The following CCDC146 variants were observed in gnomAD, a reference collection of about 807,000 sequenced individuals.
CCDC146 encodes coiled-coil domain containing 146.
Under a neutral mutation model 119.3 loss-of-function variants are expected in CCDC146, and 92 were observed. The ratio of observed to expected loss-of-function variants is 0.77; its 90% CI spans 0.65 to 0.92. CCDC146 has a LOEUF of 0.92. Among genes scored for constraint, CCDC146 ranks in the 40% least tolerant of loss-of-function variants. The probability of loss-of-function intolerance (pLI) is 0.00; values close to 1 mark genes in which losing one functional copy is unlikely to be tolerated. For missense variants in CCDC146, 1,000 were observed against 1,103.0 expected, an observed-to-expected ratio of 0.91 and a Z score of 1.32; for synonymous variants, 372 against 371.8, an observed-to-expected ratio of 1.00 and a Z score of -0.01.
intron 1 of CCDC146, among the ~76,000 whole-genome samples, chr7:77,142,419 A>C (rs1195456512): frequency 6.7e-6 from 1 of 149,332 alleles, no homozygotes; most frequent in East Asian, 2.6e-4. Flanking sequence ...CCATGTGTAC[A>C]TGTATACATG....
At chr7:77,272,811 G>A (rs1006827273) in intron 9 of CCDC146, among the ~76,000 whole-genome samples, 5 of 152,070 alleles carry the variant, frequency 3.3e-5, no homozygotes, top group African/African-American at 1.2e-4. Flanking sequence ...CCTAAAGTAC[G>A]TCAACACAGG....
chr7:77,160,061 C>T (rs1791235424), intron 1 of CCDC146, among the ~76,000 whole-genome samples: 1 of 152,152 alleles, frequency 6.6e-6, no homozygotes, highest in African/African-American at 2.4e-5. Flanking sequence ...TCAGGTTTGT[C>T]AAAGATCAGA....
intron 6 of CCDC146, among the ~76,000 whole-genome samples, chr7:77,258,274 T>G (rs1390197683): frequency 2.0e-5 from 3 of 152,142 alleles, no homozygotes; most frequent in African/African-American, 7.2e-5. Flanking sequence ...AAGGCAGCTC[T>G]GCTCAGCCAG....
intron 2 of CCDC146, chr7:77,199,161 G>A: frequency 3.8e-6 from 6 of 1,593,948 alleles, no homozygotes; most frequent in Non-Finnish European, 5.1e-6. Context: ...CATATGATAA[G>A]AAAACATTAT....
At position 77,279,077 on chromosome 7, in the gene CCDC146, G is replaced by A; in HGVS notation, c.1670G>A (p.Arg557Lys). ...TCATTAAATGAACTTGAAATTCTGAGAAATAGTGCCGTTAGTCAAGAAAGG... is the reference window on the plus strand; with the variant it reads ...TCATTAAATGAACTTGAAATTCTGAAAAATAGTGCCGTTAGTCAAGAAAGG... Reference protein sequence around the residue: ...KMSLNELEILRNSAVSQERKL... With the variant: ...KMSLNELEILKNSAVSQERKL... Residue 557 changes from arginine (R) to lysine (K), a missense_variant, in exon 13 of 19, where the codon AGA becomes AAA. Around this residue, in one of 2 missense-constraint regions of CCDC146, gnomAD observed 985 missense variants for 1,045.3 expected, o/e 0.94. Transcript: ENST00000285871. The A allele has an allele frequency of 6.2e-7, 1 of 1,610,672 alleles. No individual in the cohort carries two copies. Among genetic ancestry groups the A allele is most frequent in the East Asian group, 2.2e-5 (1 of 44,806 alleles).
At chr7:77,136,183 G>C (rs1790858018) in intron 1 of CCDC146, among the ~76,000 whole-genome samples, 2 of 152,118 alleles carry the variant, frequency 1.3e-5, no homozygotes, top group Admixed American at 6.5e-5. Flanking sequence ...GCATATTTTA[G>C]AAAAGAAGAA....
chr7:77,204,573 C>A (rs1353047815), intron 2 of CCDC146, among the ~76,000 whole-genome samples: 2 of 152,122 alleles, frequency 1.3e-5, no homozygotes, highest in Non-Finnish European at 2.9e-5. Flanking sequence ...ATTAATGAAA[C>A]TACAGAACAT....
At chr7:77,135,760 A>T (rs1321987302) in intron 1 of CCDC146, among the ~76,000 whole-genome samples, 3 of 152,248 alleles carry the variant, frequency 2.0e-5, no homozygotes, top group Non-Finnish European at 2.9e-5. Flanking sequence ...CAACCATAGG[A>T]TGTCTACAAG....
intron 1 of CCDC146, among the ~76,000 whole-genome samples, chr7:77,128,721 G>A (rs1276330481): frequency 2.0e-5 from 3 of 151,998 alleles, no homozygotes; most frequent in African/African-American, 7.3e-5. Context: ...CAGGCTGTGA[G>A]GTTTCCTAAG....
In CCDC146 at chr7:77,207,000, T is replaced by A. The variant is rs191089123; in HGVS notation, c.157-29947T>A. Among the ~76,000 whole-genome samples, 109 of 152,278 alleles carry A rather than the reference T, an allele frequency of 7.2e-4. 2 individuals carry two copies. In the East Asian group the frequency reaches 0.019, roughly 27 times the overall value. On this transcript the variant is annotated intron_variant, in intron 2 of 18. Transcript: ENST00000285871. ...TTGCATTCTTTGAAATTCTTTTTTT[T>A]AAAGATTCTTAACTTTATCTTATGA...
chr7:77,224,591 C>A (rs373812734), intron 2 of CCDC146, among the ~76,000 whole-genome samples: 1 of 152,114 alleles, frequency 6.6e-6, no homozygotes, highest in Non-Finnish European at 1.5e-5. Flanking sequence ...CTGGGGGATG[C>A]GGGAGATTAT....
chr7:77,216,489 C>A (rs960941761), intron 2 of CCDC146, among the ~76,000 whole-genome samples: 2 of 152,066 alleles, frequency 1.3e-5, no homozygotes, highest in African/African-American at 4.8e-5. Flanking sequence ...AGTTTCTCAA[C>A]CATCTTGAGT....
intron 1 of CCDC146, among the ~76,000 whole-genome samples, chr7:77,124,955 G>A (rs1790672281): frequency 6.6e-6 from 1 of 151,148 alleles, no homozygotes; most frequent in Non-Finnish European, 1.5e-5. Context: ...CACTTTGGGA[G>A]GCTGAGACAG....
chr7:77,131,061 T>G lies in CCDC146; in HGVS notation c.-12+8329T>G, dbSNP rs1366355457. On this transcript the variant is annotated intron_variant, in intron 1 of 18. Coordinates refer to ENST00000285871, the MANE Select transcript of CCDC146 (RefSeq NM_020879.3). ...CGCATGCCACCACACCTGGCCAATT[T>G]TTATAAAGACGGGGTTTCACCATGT... 3.3e-5 allele frequency among the ~76,000 whole-genome samples: 5 copies of G among 151,900 alleles called. 1 individual carries two copies. Among genetic ancestry groups the G allele is most frequent in the African/African-American group, 4.9e-5 (2 of 41,230 alleles).
intron 1 of CCDC146, among the ~76,000 whole-genome samples, chr7:77,154,763 T>C (rs1791157498): frequency 6.6e-6 from 1 of 152,194 alleles, no homozygotes; most frequent in South Asian, 2.1e-4. Flanking sequence ...GCAATAAACA[T>C]GTGCGTGCAT....
chr7:77,139,812 T>C (rs981987791), intron 1 of CCDC146, among the ~76,000 whole-genome samples: 29 of 151,928 alleles, frequency 1.9e-4, no homozygotes, highest in African/African-American at 6.5e-4. Context: ...TAAAATGAAA[T>C]TTTACAAAGT....
chr7:77,259,888 A>C (rs1006281688), intron 7 of CCDC146, 121 bp from the exon 8 acceptor site: 16 of 682,884 alleles, frequency 2.3e-5, no homozygotes, highest in Non-Finnish European at 4.0e-5. Context: ...CTTCTGCTGC[A>C]TGGTTAGAAA....
intron 2 of CCDC146, among the ~76,000 whole-genome samples, chr7:77,221,539 T>C (rs1392665057): frequency 2.0e-5 from 3 of 152,182 alleles, no homozygotes; most frequent in Admixed American, 6.5e-5. Context: ...GAGATTTCCT[T>C]TGGTGATATG....
intron 4 of CCDC146, among the ~76,000 whole-genome samples, chr7:77,247,992 T>G (rs968775363): frequency 2.6e-5 from 4 of 152,206 alleles, no homozygotes; most frequent in Admixed American, 6.5e-5. Flanking sequence ...ATATGTTTAT[T>G]GCAACACTAT....
Sources: gnomAD v4.1 joint callset for allele counts (sites outside exome capture counted in the v4.1 genomes callset) on GRCh38, gnomAD v4.1.1 for gene constraint, gnomAD v4.1.1 regional missense constraint, MANE v1.5 for transcripts, NCBI Gene and HGNC (gene_info 2026-07-23, HGNC 2026-07-21) for gene names.